Variants in UBE2H observed in about 807,000 individuals in gnomAD.
UBE2H encodes the protein ubiquitin-conjugating enzyme E2 H.
In UBE2H, 3 loss-of-function variants were observed where a neutral mutation model predicts 29.0. That is an observed-to-expected ratio of 0.10 (90% CI 0.05 to 0.27). The LOEUF (loss-of-function observed/expected upper bound fraction) is 0.27. UBE2H is among the 10% of genes least tolerant of loss of function. The probability of loss-of-function intolerance (pLI) is 1.00; values close to 1 mark genes in which losing one functional copy is unlikely to be tolerated. For synonymous variants in UBE2H, 69 were observed against 82.9 expected (o/e 0.83, Z 0.91); for missense variants, 68 against 228.2 (o/e 0.30, Z 4.52).
intron 3 of UBE2H, among the ~76,000 whole-genome samples, chr7:129,871,422 T>C (rs2116348432): frequency 6.6e-6 from 1 of 152,320 alleles, no homozygotes; most frequent in African/African-American, 2.4e-5. Context: ...ATTCAAAAGA[T>C]ACTTATCATT....
chr7:129,942,815 G>A (rs1451171819), intron 1 of UBE2H, among the ~76,000 whole-genome samples: 1 of 151,880 alleles, frequency 6.6e-6, no homozygotes, highest in Non-Finnish European at 1.5e-5. Context: ...ATTGCTGTTT[G>A]TGACTATGAT....
intron 5 of UBE2H, among the ~76,000 whole-genome samples, chr7:129,844,913 G>T (rs1805486265): frequency 6.6e-6 from 1 of 152,234 alleles, no homozygotes; most frequent in South Asian, 2.1e-4. Context: ...TGGACTGCCT[G>T]AGGTCAGGAG....
At chr7:129,902,358 G>A (rs1806733495) in intron 1 of UBE2H, among the ~76,000 whole-genome samples, 1 of 152,124 alleles carries the variant, frequency 6.6e-6, no homozygotes, top group Non-Finnish European at 1.5e-5. Flanking sequence ...AAAATTAGCT[G>A]GGCATGGTGG....
At chr7:129,950,396 G>T (rs1401393131) in intron 1 of UBE2H, among the ~76,000 whole-genome samples, 1 of 151,690 alleles carries the variant, frequency 6.6e-6, no homozygotes, top group Non-Finnish European at 1.5e-5. Context: ...CACTTAGGGG[G>T]AGAAAAAAAA....
intron 3 of UBE2H, among the ~76,000 whole-genome samples, chr7:129,862,042 A>G (rs1563025612): frequency 6.6e-6 from 1 of 152,160 alleles, no homozygotes; most frequent in Non-Finnish European, 1.5e-5. Flanking sequence ...ATACAAATTC[A>G]TTACCCTCCC....
At position 129,831,280 on chromosome 7, in the gene UBE2H, T is replaced by TA. The variant is rs1194268799; in HGVS notation, c.*3656dup. 2.0e-5 allele frequency: 3 copies of TA among 152,232 alleles called. No individual in the cohort carries two copies. Among genetic ancestry groups the TA allele is most frequent in the Non-Finnish European group, 2.9e-5 (2 of 68,038 alleles). The allele number at this position is 152,232 out of a possible 1,614,324, so 9.4% of individuals were successfully genotyped here. On this transcript the variant is annotated 3_prime_UTR_variant, in exon 7 of 7. Coordinates refer to ENST00000355621, the MANE Select transcript of UBE2H (RefSeq NM_003344.4). ...GCTGGAAGCCCAGTTGGGAAGTCGA[T>TA]AAAAAATCTTGCTAACTTTTTTAAA...
At chr7:129,875,337 T>C (rs1806125598) in intron 3 of UBE2H, among the ~76,000 whole-genome samples, 4 of 152,326 alleles carry the variant, frequency 2.6e-5, no homozygotes, top group East Asian at 1.9e-4. Flanking sequence ...ACATGACTAA[T>C]GGGTAAAACA....
chr7:129,952,697 CGCCG>C lies in UBE2H; in HGVS notation c.-146_-143del. ...TCCCGGCGGTCCCGTCAGCCGCCGC[CGCCG>C]CCCCCCGCACGGGGGAACACCGGGC... On this transcript the variant is annotated 5_prime_UTR_variant, in exon 1 of 7. Coordinates refer to ENST00000355621, the MANE Select transcript of UBE2H (RefSeq NM_003344.4). The C allele has an allele frequency of 3.3e-6, 3 of 916,552 alleles. No homozygotes were observed. Among genetic ancestry groups the C allele is most frequent in the Non-Finnish European group, 4.5e-6 (3 of 671,580 alleles). 56.8% of individuals were successfully genotyped at this position (916,552 alleles called of 1,614,324 possible).
At chr7:129,888,898 GGA>G (rs1333740141) in intron 1 of UBE2H, among the ~76,000 whole-genome samples, 1 of 152,208 alleles carries the variant, frequency 6.6e-6, no homozygotes, top group African/African-American at 2.4e-5. Flanking sequence ...GCTTAGAGTA[GGA>G]GAGATTTCTT....
chr7:129,844,277 C>T (rs1382072878), intron 5 of UBE2H, among the ~76,000 whole-genome samples: 1 of 152,160 alleles, frequency 6.6e-6, no homozygotes, highest in Non-Finnish European at 1.5e-5. Context: ...GCAATAAGGC[C>T]TTCCTGCAAG....
chr7:129,929,953 C>T (rs1219338133), intron 1 of UBE2H, among the ~76,000 whole-genome samples: 2 of 151,900 alleles, frequency 1.3e-5, no homozygotes, highest in Non-Finnish European at 2.9e-5. Context: ...GAGGTTACAG[C>T]GAGCCAAGAT....
intron 1 of UBE2H, among the ~76,000 whole-genome samples, chr7:129,923,942 A>G (rs1584788971): frequency 6.6e-6 from 1 of 152,198 alleles, no homozygotes; most frequent in African/African-American, 2.4e-5. Context: ...TAACATCTTG[A>G]CTCAACTCTA....
At chr7:129,874,088 A>G (rs1806097196) in intron 3 of UBE2H, among the ~76,000 whole-genome samples, 1 of 152,178 alleles carries the variant, frequency 6.6e-6, no homozygotes, top group South Asian at 2.1e-4. Flanking sequence ...ATTCTAAAAT[A>G]TTCTATAGTT....
At chr7:129,835,174 G>C in intron 6 of UBE2H, 113 bp from the exon 7 acceptor site, 1 of 1,443,958 alleles carries the variant, frequency 6.9e-7, no homozygotes, top group Non-Finnish European at 9.5e-7. Flanking sequence ...GAACACCAGG[G>C]GGGACAAAGA....
At chr7:129,951,255 A>C (rs1807868680) in intron 1 of UBE2H, 1 of 152,208 alleles carries the variant, frequency 6.6e-6, no homozygotes, top group Non-Finnish European at 1.5e-5. Context: ...GCAACAAATA[A>C]AAGGAAGAAA....
At chr7:129,898,506 T>G (rs1355613910) in intron 1 of UBE2H, among the ~76,000 whole-genome samples, 2 of 152,164 alleles carry the variant, frequency 1.3e-5, no homozygotes, top group African/African-American at 4.8e-5. Flanking sequence ...TAGTACTTCC[T>G]GAAGAACTGA....
intron 1 of UBE2H, among the ~76,000 whole-genome samples, chr7:129,945,547 G>A (rs1439460046): frequency 2.0e-5 from 3 of 152,148 alleles, no homozygotes. Context: ...GCTGAGTGTA[G>A]GGCTCTGAGA....
At chr7:129,889,111 C>T (rs1157966337) in intron 1 of UBE2H, among the ~76,000 whole-genome samples, 1 of 152,112 alleles carries the variant, frequency 6.6e-6, no homozygotes, top group Non-Finnish European at 1.5e-5. Flanking sequence ...GAAAGTAGGC[C>T]AAGACCAGAT....
chr7:129,838,057 A>G (rs1031893535), intron 6 of UBE2H, among the ~76,000 whole-genome samples: 1 of 152,226 alleles, frequency 6.6e-6, no homozygotes, highest in Non-Finnish European at 1.5e-5. Flanking sequence ...CAAAATTTTA[A>G]TATAGTCTCA....
Sources: allele counts gnomAD v4.1 joint callset (sites outside exome capture counted in the v4.1 genomes callset), GRCh38; gene constraint gnomAD v4.1.1; transcripts MANE v1.5; gene names NCBI Gene and HGNC (gene_info 2026-07-23, HGNC 2026-07-21).